DNAH6: variants seen among roughly 807,000 people sequenced by gnomAD.
The protein encoded by DNAH6 is dynein axonemal heavy chain 6, also known as axonemal beta dynein heavy chain 6.
In DNAH6, 340 loss-of-function variants were observed where a neutral mutation model predicts 491.4. That is an observed-to-expected ratio of 0.69 (90% CI 0.63 to 0.76). The LOEUF (loss-of-function observed/expected upper bound fraction) is 0.76. Among genes scored for constraint, DNAH6 ranks in the 30% least tolerant of loss-of-function variants. DNAH6 has a pLI of 0.00. For synonymous variants in DNAH6, 1,603 were observed against 1,686.1 expected, an observed-to-expected ratio of 0.95 and a Z score of 1.21; for missense variants, 4,443 against 4,972.2, an observed-to-expected ratio of 0.89 and a Z score of 3.20.
In DNAH6 at chr2:84,616,917, A is replaced by G. The variant is rs1340229264; in HGVS notation, c.3507A>G (p.Ala1169=). Residue 1169 remains alanine (A), a synonymous_variant, in exon 23 of 77, where the codon GCA becomes GCG. Coordinates refer to ENST00000389394, the MANE Select transcript of DNAH6 (RefSeq NM_001370.2). ...TGGAAACTTTTCAAAACAATAATGC[A>G]TTACTTGACCAAATTCAGAAGTGCC... is the stretch of plus-strand genomic sequence containing the variant. ...GLLETFQNNN[A]LLDQIQKCLE... 3.3e-6 allele frequency: 5 copies of G among 1,499,320 alleles called. No homozygotes were observed. The highest frequency in any genetic ancestry group is 4.9e-5 in the Admixed American group (2 of 40,448). The allele number at this position is 1,499,320 out of a possible 1,614,324, so 92.9% of individuals were successfully genotyped here. A position where few individuals can be genotyped will look rare whatever the true frequency, so the allele number is the denominator to read the frequency against.
the DNAH6 span, among the ~76,000 whole-genome samples, chr2:84,481,251 C>A: frequency 6.6e-6 from 1 of 152,162 alleles, no homozygotes; most frequent in Non-Finnish European, 1.5e-5. Flanking sequence ...CCCTGTGTCC[C>A]AGATTATTTC....
chr2:84,758,269 GT>G (rs1247288476), intron 63 of DNAH6, among the ~76,000 whole-genome samples: 1 of 152,152 alleles, frequency 6.6e-6, no homozygotes, highest in Non-Finnish European at 1.5e-5. Context: ...AGTTATTTGT[GT>G]TTTGTATATT....
intron 59 of DNAH6, among the ~76,000 whole-genome samples, chr2:84,719,833 C>CT (rs1697918895): frequency 6.6e-6 from 1 of 151,814 alleles, no homozygotes; most frequent in Non-Finnish European, 1.5e-5. Flanking sequence ...AAGGCAGCTA[C>CT]TTTCATTTTG....
intron 5 of DNAH6, among the ~76,000 whole-genome samples, chr2:84,545,861 C>A (rs1307633970): frequency 6.6e-6 from 1 of 152,008 alleles, no homozygotes; most frequent in East Asian, 1.9e-4. Context: ...TTTAAAATAA[C>A]CAATTTTGTT....
intron 1 of DNAH6, among the ~76,000 whole-genome samples, chr2:84,517,096 A>G (rs1253355289): frequency 6.6e-6 from 1 of 152,242 alleles, no homozygotes; most frequent in Non-Finnish European, 1.5e-5. Context: ...TGATCTATAT[A>G]AAACCTAGGT....
the DNAH6 span, among the ~76,000 whole-genome samples, chr2:84,471,607 T>G: frequency 2.6e-4 from 39 of 152,258 alleles, no homozygotes; most frequent in Non-Finnish European, 5.1e-4. Context: ...GCATTCAGAT[T>G]CAACTGGCTC....
intron 53 of DNAH6, 143 bp downstream of exon 53, chr2:84,707,162 T>C (rs1696547337): frequency 1.0e-6 from 1 of 1,000,420 alleles, no homozygotes; most frequent in East Asian, 2.8e-5. Context: ...TAAGAACTCA[T>C]GTGTTTTATA....
chr2:84,563,526 C>T (rs989633920), intron 11 of DNAH6, among the ~76,000 whole-genome samples: 7 of 151,990 alleles, frequency 4.6e-5, no homozygotes, highest in Admixed American at 2.0e-4. Context: ...TTGCTGGCTG[C>T]TTGTATTTTG....
At chr2:84,535,141 A>G (rs147792944) in intron 4 of DNAH6, among the ~76,000 whole-genome samples, 46 of 152,110 alleles carry the variant, frequency 3.0e-4, no homozygotes, top group African/African-American at 1.1e-3. Flanking sequence ...TTTTTAAAAA[A>G]TTTTAAATCA....
chr2:84,754,884 T>C (rs2105093534), intron 63 of DNAH6, among the ~76,000 whole-genome samples: 1 of 152,356 alleles, frequency 6.6e-6, no homozygotes, highest in Admixed American at 6.5e-5. Flanking sequence ...AATATTTACC[T>C]CTTAACAACA....
Position 84,573,586 on chromosome 2 carries a change from T to C in DNAH6, c.1923T>C (p.Pro641=). 1 of 1,564,022 alleles carries C rather than the reference T, an allele frequency of 6.4e-7. No individual in the cohort carries two copies. Among genetic ancestry groups the C allele is most frequent in the Non-Finnish European group, 8.6e-7 (1 of 1,165,716 alleles). Reference sequence around the variant, plus strand: ...TACAAGCTCTTAAACTTCAGGAACCTGGTAACTTGTCCATTTGTACTTACT... The same window carrying C: ...TACAAGCTCTTAAACTTCAGGAACCCGGTAACTTGTCCATTTGTACTTACT... ...LDLQALKLQE[P]DINFFSEQLE... is the part of the protein sequence containing the mutation. Residue 641 remains proline (P), a splice_region_variant and synonymous_variant, in exon 12 of 77, where the codon CCT becomes CCC. Transcript: ENST00000389394.
the DNAH6 span, among the ~76,000 whole-genome samples, chr2:84,465,457 T>G: frequency 1.3e-5 from 2 of 151,722 alleles, no homozygotes; most frequent in African/African-American, 4.8e-5. Flanking sequence ...ATTGCACCAC[T>G]GCACTCCAGC....
chr2:84,634,960 G>A (rs563255654), intron 30 of DNAH6, among the ~76,000 whole-genome samples: 23 of 152,286 alleles, frequency 1.5e-4, no homozygotes, highest in African/African-American at 5.1e-4. Context: ...GTTGACCTTT[G>A]GAGATCTGGT....
chr2:84,512,202 C>T (rs7581042), upstream of DNAH6, among the ~76,000 whole-genome samples: 129,397 of 152,206 alleles, frequency 0.85, 56,373 homozygotes, highest in East Asian at 0.99. Context: ...TAATGGAATA[C>T]ATAACACAGG....
chr2:84,780,221 C>CAA (rs1438971459), intron 64 of DNAH6, among the ~76,000 whole-genome samples: 7 of 152,194 alleles, frequency 4.6e-5, no homozygotes, highest in Non-Finnish European at 7.3e-5. Context: ...ACTATATTCT[C>CAA]AAATATGTTA....
Position 84,669,382 on chromosome 2 carries a change from A to C in DNAH6, c.6178A>C (p.Asn2060His). Residue 2060 changes from asparagine (N) to histidine (H), a missense_variant, in exon 38 of 77, where the codon AAC (asparagine) becomes CAC (histidine). By Grantham distance (68) the Asn-to-His change is moderately conservative (BLOSUM62 1). Coordinates refer to ENST00000389394, the MANE Select transcript of DNAH6 (RefSeq NM_001370.2). ...ACGAATCATACCTACTTTCAAATAC[A>C]ACCGAGATGTTCCATTTTTTGAAAT... ...WERIIPTFKY[N>H]RDVPFFEMLV... 1 of 1,551,994 alleles carries C rather than the reference A, an allele frequency of 6.4e-7. No individual in the cohort carries two copies. Among genetic ancestry groups the C allele is most frequent in the Non-Finnish European group, 8.7e-7 (1 of 1,147,020 alleles).
At chr2:84,817,729 G>A (rs1016574687) in intron 76 of DNAH6, among the ~76,000 whole-genome samples, 2 of 152,196 alleles carry the variant, frequency 1.3e-5, no homozygotes, top group African/African-American at 4.8e-5. Context: ...GCCAGCATCT[G>A]CTTCTGGTGA....
chr2:84,719,331 G>A (rs1697859660), intron 59 of DNAH6, among the ~76,000 whole-genome samples: 1 of 151,902 alleles, frequency 6.6e-6, no homozygotes, highest in African/African-American at 2.4e-5. Context: ...TGGCGGTTGT[G>A]TGTTAACCCA....
chr2:84,813,525 A>G (rs974628402), intron 74 of DNAH6, among the ~76,000 whole-genome samples: 3 of 152,182 alleles, frequency 2.0e-5, no homozygotes. Context: ...CTCTTGGGGA[A>G]TCTGGCTAGA....
Sources: allele counts gnomAD v4.1 joint callset (sites outside exome capture counted in the v4.1 genomes callset), GRCh38; gene constraint gnomAD v4.1.1; transcripts MANE v1.5; gene names NCBI Gene and HGNC (gene_info 2026-07-23, HGNC 2026-07-21).